The following AKAP12 variants were observed in gnomAD, a reference collection of about 807,000 sequenced individuals.
The protein encoded by AKAP12 is A-kinase anchor protein 12.
AKAP12 carries 32 observed loss-of-function variants against 79.9 expected under a neutral mutation model. The ratio of observed to expected loss-of-function variants is 0.40; its 90% CI spans 0.30 to 0.54. The LOEUF is 0.54. AKAP12 is among the 20% of genes least tolerant of loss of function. The pLI, the probability that AKAP12 is intolerant of heterozygous loss-of-function variation, is 0.48. For missense variants in AKAP12, 2,074 were observed against 2,177.0 expected, an observed-to-expected ratio of 0.95 and a Z score of 0.94; for synonymous variants, 808 against 857.0, an observed-to-expected ratio of 0.94 and a Z score of 1.00.
intron 2 of AKAP12, among the ~76,000 whole-genome samples, chr6:151,259,059 A>G (rs527239824): frequency 6.6e-6 from 1 of 150,830 alleles, no homozygotes; most frequent in East Asian, 2.0e-4. Flanking sequence ...ATATATATAT[A>G]TTGGAGACGG....
intron 2 of AKAP12, among the ~76,000 whole-genome samples, chr6:151,262,583 TCAA>T (rs1392035488): frequency 1.3e-4 from 19 of 142,722 alleles, no homozygotes; most frequent in Admixed American, 1.2e-3. Context: ...CTAAATGACT[TCAA>T]CTTCAAGTTC....
chr6:151,268,800 T>TGGTG (rs1169363792), intron 2 of AKAP12, among the ~76,000 whole-genome samples: 2 of 152,080 alleles, frequency 1.3e-5, no homozygotes, highest in Non-Finnish European at 2.9e-5. Flanking sequence ...TGTGCCACCA[T>TGGTG]GCCCAGCTAA....
intron 2 of AKAP12, among the ~76,000 whole-genome samples, chr6:151,248,068 C>T (rs1048328407): frequency 6.6e-6 from 1 of 151,986 alleles, no homozygotes; most frequent in Non-Finnish European, 1.5e-5. Flanking sequence ...GGAGAGATTA[C>T]TGCAGTTTAT....
intron 3 of AKAP12, among the ~76,000 whole-genome samples, chr6:151,309,037 G>C (rs1777034320): frequency 6.6e-6 from 1 of 152,150 alleles, no homozygotes; most frequent in Middle Eastern, 3.4e-3. Flanking sequence ...ACCACGCCTG[G>C]CTAATTTTTG....
Position 151,263,154 on chromosome 6 carries a change from G to T in AKAP12, c.162+22430G>T, listed in dbSNP as rs188006453. 2.8e-3 allele frequency among the ~76,000 whole-genome samples: 426 copies of T among 152,198 alleles called. 1 individual carries two copies. The highest frequency in any genetic ancestry group is 9.4e-3 in the African/African-American group (390 of 41,524). ...GATCTCAAGCAATCCTCCCACCTCA[G>T]CCTCCTGAGTAGCTGGGACTATGGG... On this transcript the variant is annotated intron_variant, in intron 2 of 4. Transcript: ENST00000402676.
At chr6:151,293,008 T>A (rs1776652893) in intron 2 of AKAP12, among the ~76,000 whole-genome samples, 1 of 152,232 alleles carries the variant, frequency 6.6e-6, no homozygotes, top group African/African-American at 2.4e-5. Context: ...AATATTAGCC[T>A]CTAAAATTTT....
In AKAP12 at chr6:151,352,601, G is replaced by A. The variant is rs919805491; in HGVS notation, c.4210G>A (p.Glu1404Lys). The part of the protein sequence containing the change: ...GSPPPCLGQE[E>K]AVCTKIQVQS... ...CCCTCCTCCCTGCCTAGGTCAAGAG[G>A]AGGCAGTATGCACCAAAATTCAAGT... Residue 1404 changes from glutamate to lysine, a missense_variant, in exon 4 of 5, where the codon GAG becomes AAG. Glu to Lys is a moderately conservative substitution (Grantham distance 56). This residue lies in a region of AKAP12 where 614 missense variants were observed against 665.6 expected (regional missense o/e 0.92). Transcript: ENST00000402676. The A allele has an allele frequency of 8.1e-6, 13 of 1,614,186 alleles. No homozygotes were observed. Among genetic ancestry groups the A allele is most frequent in the Non-Finnish European group, 1.1e-5 (13 of 1,180,030 alleles).
At chr6:151,286,970 G>A (rs2114731300) in intron 2 of AKAP12, among the ~76,000 whole-genome samples, 2 of 150,850 alleles carry the variant, frequency 1.3e-5, no homozygotes, top group African/African-American at 2.4e-5. Context: ...ACGGAGTCTC[G>A]CTCTGTTGCC....
chr6:151,255,352 C>T (rs1297491876), intron 2 of AKAP12, among the ~76,000 whole-genome samples: 7 of 152,006 alleles, frequency 4.6e-5, no homozygotes, highest in South Asian at 2.1e-4. Flanking sequence ...TTAGTAGAGA[C>T]GAGGCTTCTC....
intron 3 of AKAP12, among the ~76,000 whole-genome samples, chr6:151,320,225 G>A (rs990083686): frequency 4.6e-5 from 7 of 152,002 alleles, no homozygotes; most frequent in Admixed American, 2.0e-4. Context: ...CACTGGTCCC[G>A]CCTCCAGACT....
chr6:151,303,764 C>T lies in AKAP12; in HGVS notation c.163-1983C>T, dbSNP rs180827578. Among the ~76,000 whole-genome samples, 67 of 152,320 alleles carry T rather than the reference C, an allele frequency of 4.4e-4. 1 individual carries two copies. The East Asian group carries it at 9.1e-3, about 21-fold the overall frequency. On this transcript the variant is annotated intron_variant, in intron 2 of 4. Coordinates refer to ENST00000402676, the MANE Select transcript of AKAP12 (RefSeq NM_005100.4). ...TTTATAATTGTGTGTAGTAACAGGA[C>T]CTTCAAAGCATGGCACGTATCTTTG... is the stretch of plus-strand genomic sequence containing the variant.
intron 3 of AKAP12, among the ~76,000 whole-genome samples, chr6:151,344,741 C>G (rs1162390404): frequency 2.6e-5 from 4 of 152,044 alleles, no homozygotes; most frequent in Non-Finnish European, 5.9e-5. Flanking sequence ...ACCATGTTGG[C>G]CAGCCTGCTC....
chr6:151,346,872 TATA>T (rs1313213267), intron 3 of AKAP12, among the ~76,000 whole-genome samples: 5 of 152,244 alleles, frequency 3.3e-5, no homozygotes, highest in African/African-American at 1.2e-4. Flanking sequence ...AAGTGGAAGT[TATA>T]TCTATATTTA....
At chr6:151,285,014 A>G (rs1776472931) in intron 2 of AKAP12, among the ~76,000 whole-genome samples, 1 of 152,250 alleles carries the variant, frequency 6.6e-6, no homozygotes, top group South Asian at 2.1e-4. Flanking sequence ...CAGTATGAGC[A>G]TGTGGTGGGT....
chr6:151,252,696 C>A (rs1433690657), intron 2 of AKAP12, among the ~76,000 whole-genome samples: 1 of 143,886 alleles, frequency 6.9e-6, no homozygotes, highest in Non-Finnish European at 1.5e-5. Context: ...GCATTTGAGA[C>A]CAGCCTGGAC....
chr6:151,324,266 T>G (rs1777468245), intron 3 of AKAP12: 1 of 985,434 alleles, frequency 1.0e-6, no homozygotes. Context: ...CATCATTCCC[T>G]GTTCCCGCCA....
intron 3 of AKAP12, among the ~76,000 whole-genome samples, chr6:151,318,538 C>T (rs1053317011): frequency 3.9e-5 from 6 of 152,190 alleles, no homozygotes. Flanking sequence ...AGCTCATGGA[C>T]TCCTTTTGGT....
intron 2 of AKAP12, among the ~76,000 whole-genome samples, chr6:151,283,419 A>G (rs527622925): frequency 3.3e-4 from 50 of 152,336 alleles, no homozygotes; most frequent in African/African-American, 1.1e-3. Flanking sequence ...TTTGCCTGAA[A>G]AAGAGTATTA....
intron 3 of AKAP12, among the ~76,000 whole-genome samples, chr6:151,312,616 T>C (rs960262420): frequency 1.4e-4 from 22 of 151,818 alleles, no homozygotes; most frequent in East Asian, 1.4e-3. Context: ...ACGGTGAAAC[T>C]CCGTCTCTAC....
Sources: gnomAD v4.1 joint callset for allele counts (sites outside exome capture counted in the v4.1 genomes callset) on GRCh38, gnomAD v4.1.1 for gene constraint, gnomAD v4.1.1 regional missense constraint, MANE v1.5 for transcripts, NCBI Gene and HGNC (gene_info 2026-07-23, HGNC 2026-07-21) for gene names.